Variants in MTAP observed in about 807,000 individuals in gnomAD.
The protein encoded by MTAP is S-methyl-5'-thioadenosine phosphorylase.
A neutral mutation model predicts 33.6 loss-of-function variants in MTAP; 33 were observed. The ratio of observed to expected loss-of-function variants is 0.98; its 90% confidence interval spans 0.74 to 1.31. MTAP has a LOEUF of 1.31. MTAP is among the 40% of genes most tolerant of loss of function. The probability of loss-of-function intolerance (pLI) is 0.00; values close to 1 mark genes in which losing one functional copy is unlikely to be tolerated. For missense variants in MTAP, 367 were observed against 360.0 expected (o/e 1.02, Z -0.16); for synonymous variants, 148 against 125.7 (o/e 1.18, Z -1.19).
chr9:21,906,691 G>C (rs1008762281), intron 1 of MTAP, among the ~76,000 whole-genome samples: 2 of 152,074 alleles, frequency 1.3e-5, no homozygotes, highest in Non-Finnish European at 2.9e-5. Context: ...CAAGCTGGAG[G>C]AATGAAATTA....
At chr9:21,829,895 T>C (rs1379078649) in intron 4 of MTAP, among the ~76,000 whole-genome samples, 1 of 152,216 alleles carries the variant, frequency 6.6e-6, no homozygotes, top group Non-Finnish European at 1.5e-5. Flanking sequence ...GGAAGCTCTT[T>C]TAAGAAAAAT....
rs35709813 is a variant in MTAP, at chr9:21,818,317, C to CTTTTTTTTTTTTTTTTTTTT, written c.347+123_347+142dup. 3 of 206,102 alleles carry CTTTTTTTTTTTTTTTTTTTT rather than the reference C, an allele frequency of 1.5e-5. 1 individual carries two copies. Among genetic ancestry groups the CTTTTTTTTTTTTTTTTTTTT allele is most frequent in the Admixed American group, 2.2e-4 (2 of 8,994 alleles). 12.8% of individuals were successfully genotyped at this position (206,102 alleles called of 1,614,324 possible). Reference sequence around the variant, plus strand: ...GAGGGCAGTGCCACAGACTCGCTTGCTTTTTTTTTTTTTTTTTTTTTTTTT... The same window carrying CTTTTTTTTTTTTTTTTTTTT: ...GAGGGCAGTGCCACAGACTCGCTTGCTTTTTTTTTTTTTTTTTTTTTTTTTTTTTTTTTTTTTTTTTTTTT... On this transcript the variant is annotated intron_variant, in intron 4 of 7. Transcript: ENST00000644715.
At chr9:21,835,392 C>T (rs1354939474) in intron 4 of MTAP, among the ~76,000 whole-genome samples, 4 of 152,088 alleles carry the variant, frequency 2.6e-5, no homozygotes, top group Admixed American at 6.5e-5. Context: ...TCATTCGAAT[C>T]CAGGGACAAA....
chr9:21,889,424 G>T (rs569063645), intron 1 of MTAP, among the ~76,000 whole-genome samples: 26 of 152,004 alleles, frequency 1.7e-4, no homozygotes, highest in African/African-American at 6.0e-4. Context: ...TCCATTGCTG[G>T]TGATCTAGTG....
intron 1 of MTAP, among the ~76,000 whole-genome samples, chr9:21,880,785 A>G (rs1202715098): frequency 6.6e-6 from 1 of 152,130 alleles, no homozygotes; most frequent in East Asian, 1.9e-4. Flanking sequence ...AAGACATTTT[A>G]TGTTCATACA....
At chr9:21,889,240 G>C (rs143163272) in intron 1 of MTAP, among the ~76,000 whole-genome samples, 115 of 152,156 alleles carry the variant, frequency 7.6e-4, no homozygotes, top group African/African-American at 2.8e-3. Flanking sequence ...AAGCTCTGCA[G>C]TTCTTTCTTC....
At chr9:21,825,950 T>C (rs76438637) in intron 4 of MTAP, among the ~76,000 whole-genome samples, 2 of 150,882 alleles carry the variant, frequency 1.3e-5, no homozygotes, top group African/African-American at 4.9e-5. Context: ...TTTTGAGGAA[T>C]GTCTATTCAA....
intron 1 of MTAP, among the ~76,000 whole-genome samples, chr9:21,804,588 A>T (rs1475543388): frequency 6.6e-6 from 1 of 152,244 alleles, no homozygotes; most frequent in East Asian, 1.9e-4. Flanking sequence ...TTTGCCGTAG[A>T]GATTCCATGA....
At chr9:21,856,264 T>C (rs1374464642) in intron 6 of MTAP, 1 of 743,622 alleles carries the variant, frequency 1.3e-6, no homozygotes, top group Non-Finnish European at 1.6e-6. Flanking sequence ...TGTACCACCG[T>C]TTTAGAGAGT....
chr9:21,838,703 G>A (rs1329419886), intron 5 of MTAP, among the ~76,000 whole-genome samples: 1 of 152,228 alleles, frequency 6.6e-6, no homozygotes, highest in East Asian at 1.9e-4. Flanking sequence ...ATAAGGGGTG[G>A]AATCACAGTT....
At chr9:21,882,854 T>C (rs1818037049) in intron 1 of MTAP, among the ~76,000 whole-genome samples, 1 of 152,034 alleles carries the variant, frequency 6.6e-6, no homozygotes, top group East Asian at 1.9e-4. Flanking sequence ...AGTACACTTT[T>C]AAATAATTCA....
At chr9:21,808,613 C>A (rs1389927002) in intron 1 of MTAP, among the ~76,000 whole-genome samples, 5 of 150,076 alleles carry the variant, frequency 3.3e-5, no homozygotes, top group African/African-American at 4.9e-5. Flanking sequence ...AAAACACACA[C>A]ACACACACAC....
At chr9:21,819,049 C>T (rs1020574733) in intron 4 of MTAP, among the ~76,000 whole-genome samples, 1 of 152,042 alleles carries the variant, frequency 6.6e-6, no homozygotes, top group Non-Finnish European at 1.5e-5. Context: ...AACATAATGT[C>T]CAGGTTCACC....
At position 21,922,193 on chromosome 9, in the gene MTAP, G is replaced by A. The variant is rs1214116098; in HGVS notation, c.148-8815G>A. ...TCCTCTAGGAACACTTGACTGGCAA[G>A]GGAAAAACGCCTCAAGTGAGCATGC... On this transcript the variant is annotated intron_variant, in intron 1 of 1. Coordinates refer to the MTAP transcript ENST00000577563. This position sits in a 1 kb window ranked among gnomAD's most constrained non-coding sequence, Gnocchi z 4.8. 6.6e-6 allele frequency among the ~76,000 whole-genome samples: 1 copy of A among 151,918 alleles called. No homozygotes were observed. Among genetic ancestry groups the A allele is most frequent in the Non-Finnish European group, 1.5e-5 (1 of 68,000 alleles).
chr9:21,847,434 A>G (rs1825410485), intron 5 of MTAP, among the ~76,000 whole-genome samples: 1 of 152,188 alleles, frequency 6.6e-6, no homozygotes, highest in Non-Finnish European at 1.5e-5. Context: ...AGACCCAAAG[A>G]TGCTAAGGAC....
At chr9:21,898,019 G>C (rs570805885) in intron 1 of MTAP, among the ~76,000 whole-genome samples, 1 of 152,258 alleles carries the variant, frequency 6.6e-6, no homozygotes, top group South Asian at 2.1e-4. Flanking sequence ...GCATGGTACT[G>C]GTACCAAAAC....
chr9:21,844,843 A>G (rs868841336), intron 5 of MTAP, among the ~76,000 whole-genome samples: 11 of 152,270 alleles, frequency 7.2e-5, no homozygotes, highest in East Asian at 3.9e-4. Context: ...CATCCTGGCT[A>G]ACACGGTGAA....
chr9:21,906,710 T>C (rs1261208771), intron 1 of MTAP, among the ~76,000 whole-genome samples: 1 of 152,192 alleles, frequency 6.6e-6, no homozygotes, highest in East Asian at 1.9e-4. Flanking sequence ...TAATTTAGCT[T>C]AAATTAAAAG....
At chr9:21,856,549 G>A (rs889245204) in intron 6 of MTAP, among the ~76,000 whole-genome samples, 35 of 152,188 alleles carry the variant, frequency 2.3e-4, no homozygotes, top group African/African-American at 8.4e-4. Flanking sequence ...CACCCTGAGA[G>A]CGGTTTGCTT....
Sources: gnomAD v4.1 joint callset for allele counts (sites outside exome capture counted in the v4.1 genomes callset) on GRCh38, gnomAD v4.1.1 for gene constraint, Gnocchi (gnomAD v3.1) non-coding constraint, MANE v1.5 for transcripts, NCBI Gene and HGNC (gene_info 2026-07-23, HGNC 2026-07-21) for gene names.